OCA2: variants seen among roughly 807,000 people sequenced by gnomAD.
OCA2 encodes the protein OCA2 melanosomal transmembrane protein, also known as P protein.
In OCA2, 77 loss-of-function variants were observed where a neutral mutation model predicts 100.2. The ratio of observed to expected loss-of-function variants is 0.77; its 90% CI spans 0.64 to 0.93. The LOEUF is 0.93. Among genes scored for constraint, OCA2 ranks in the 40% least tolerant of loss-of-function variants. The pLI is 0.00. For synonymous variants in OCA2, 432 were observed against 439.2 expected, an observed-to-expected ratio of 0.98 and a Z score of 0.21; for missense variants, 1,062 against 1,089.1, an observed-to-expected ratio of 0.98 and a Z score of 0.35.
chr15:27,774,759 G>A (rs1178721966), intron 23 of OCA2, among the ~76,000 whole-genome samples: 1 of 152,160 alleles, frequency 6.6e-6, no homozygotes, highest in African/African-American at 2.4e-5. Flanking sequence ...GTCCTTATAA[G>A]CAGAGCAGGT....
At chr15:27,749,423 G>A in the OCA2 span, among the ~76,000 whole-genome samples, 3 of 152,166 alleles carry the variant, frequency 2.0e-5, no homozygotes, top group Admixed American at 2.0e-4. Flanking sequence ...AAAACTGAAA[G>A]AAGTTGTTGC....
At chr15:27,748,008 G>T in the OCA2 span, among the ~76,000 whole-genome samples, 1 of 152,124 alleles carries the variant, frequency 6.6e-6, no homozygotes, top group Non-Finnish European at 1.5e-5. Flanking sequence ...CTCAACAGAA[G>T]AAGGTAACCC....
chr15:27,874,993 A>T (rs886505072), intron 19 of OCA2, among the ~76,000 whole-genome samples: 1 of 152,210 alleles, frequency 6.6e-6, no homozygotes, highest in African/African-American at 2.4e-5. Context: ...GGAAATATGA[A>T]GCATGAAAAT....
At chr15:27,884,088 A>G (rs187911355) in intron 19 of OCA2, among the ~76,000 whole-genome samples, 8 of 152,364 alleles carry the variant, frequency 5.3e-5, no homozygotes, top group Non-Finnish European at 1.2e-4. Flanking sequence ...CAAACATTTA[A>G]AAATAAAAAT....
At chr15:27,830,405 T>C (rs1187295785) in intron 23 of OCA2, among the ~76,000 whole-genome samples, 1 of 152,156 alleles carries the variant, frequency 6.6e-6, no homozygotes, top group Admixed American at 6.5e-5. Context: ...ATTCCAAATG[T>C]TCACTTTTAA....
At chr15:27,989,092 G>A (rs1708938039) in intron 11 of OCA2, among the ~76,000 whole-genome samples, 1 of 152,138 alleles carries the variant, frequency 6.6e-6, no homozygotes, top group Non-Finnish European at 1.5e-5. Flanking sequence ...GTTAAGCTGG[G>A]TTAGGACTCA....
intron 1 of OCA2, 101 bp from the exon 2 acceptor site, chr15:28,081,996 C>T (rs758692916): frequency 2.1e-5 from 21 of 993,186 alleles, no homozygotes; most frequent in South Asian, 2.8e-5. Context: ...TCTTCGGAGG[C>T]GGTCCCAGAG....
At chr15:27,891,968 G>GAC (rs1227390310) in intron 19 of OCA2, among the ~76,000 whole-genome samples, 1 of 151,982 alleles carries the variant, frequency 6.6e-6, no homozygotes, top group Non-Finnish European at 1.5e-5. Flanking sequence ...TTACTAGAGG[G>GAC]ACAGAAAATT....
Position 28,032,238 on chromosome 15 carries a change from A to G in OCA2, c.228-75T>C. 3 of 1,123,190 alleles carry G rather than the reference A, an allele frequency of 2.7e-6. No homozygotes were observed. In the South Asian group the frequency reaches 3.7e-5, roughly 14 times the overall value. The allele number at this position is 1,123,190 out of a possible 1,614,324, so 69.6% of individuals were successfully genotyped here. ...TGTGTTCCCAGCACTCAGGTGCTAG[A>G]TTCAAGAATGTGCCCAAGATTCAGT... On this transcript the variant is annotated intron_variant, in intron 2 of 23. Coordinates refer to ENST00000354638, the MANE Select transcript of OCA2 (RefSeq NM_000275.3).
chr15:27,869,128 G>A (rs4238495), intron 21 of OCA2, among the ~76,000 whole-genome samples: 119,629 of 152,228 alleles, frequency 0.79, 48,093 homozygotes, highest in East Asian at 1. Context: ...TCATGCTAGC[G>A]TGGCACAGTC....
chr15:27,884,364 G>A (rs1212712585), intron 19 of OCA2, among the ~76,000 whole-genome samples: 2 of 152,162 alleles, frequency 1.3e-5, no homozygotes, highest in African/African-American at 2.4e-5. Context: ...GACAGGGTGA[G>A]ACCCTGTTTC....
intron 15 of OCA2, among the ~76,000 whole-genome samples, chr15:27,964,258 AC>A (rs2040493661): frequency 6.6e-6 from 1 of 152,262 alleles, no homozygotes; most frequent in African/African-American, 2.4e-5. Flanking sequence ...AACAAAAAAG[AC>A]ATTACAAGAA....
At chr15:27,815,254 C>G (rs1566986342) in intron 23 of OCA2, among the ~76,000 whole-genome samples, 1 of 152,210 alleles carries the variant, frequency 6.6e-6, no homozygotes, top group South Asian at 2.1e-4. Flanking sequence ...ACTGGGCCAA[C>G]CCCGCTGTTC....
At chr15:27,974,026 T>C (rs571014404) in intron 14 of OCA2, among the ~76,000 whole-genome samples, 8 of 152,348 alleles carry the variant, frequency 5.3e-5, no homozygotes, top group African/African-American at 1.7e-4. Context: ...TTTGTGTACA[T>C]TGATTTTGTA....
At chr15:28,037,156 C>T (rs2043068681) in intron 2 of OCA2, among the ~76,000 whole-genome samples, 1 of 151,872 alleles carries the variant, frequency 6.6e-6, no homozygotes, top group South Asian at 2.1e-4. Context: ...CCATGCAGAG[C>T]CGTGTAAAAG....
intron 19 of OCA2, chr15:27,896,152 C>A: frequency 1.0e-6 from 1 of 974,104 alleles, no homozygotes; most frequent in Non-Finnish European, 1.6e-6. Flanking sequence ...GCCAGAACTA[C>A]CAGTGGCAAT....
chr15:27,729,157 T>C, the OCA2 span, among the ~76,000 whole-genome samples: 1 of 152,192 alleles, frequency 6.6e-6, no homozygotes, highest in Non-Finnish European at 1.5e-5. Flanking sequence ...TCACCAGCAG[T>C]GTTTTTAATG....
chr15:27,777,007 TC>T lies in OCA2; in HGVS notation c.2433-21536del, dbSNP rs370192811. Among the ~76,000 whole-genome samples the T allele has an allele frequency of 3.6e-3, 541 of 149,228 alleles. 3 individuals carry two copies. Among genetic ancestry groups the T allele is most frequent in the African/African-American group, 0.012 (504 of 40,704 alleles). On this transcript the variant is annotated intron_variant, in intron 23 of 23. Transcript: ENST00000354638. ...GGTGGGGGGAGTGTTGGAGAGCACT[TC>T]CCCCCACACCAGCCCTGCCACTTTC...
chr15:27,797,543 A>G (rs1027211524), intron 23 of OCA2, among the ~76,000 whole-genome samples: 12 of 111,874 alleles, frequency 1.1e-4, no homozygotes, highest in Non-Finnish European at 1.1e-4. Context: ...CATTCACATT[A>G]ACGGAGACTA....
Sources: gnomAD v4.1 joint callset for allele counts (sites outside exome capture counted in the v4.1 genomes callset) on GRCh38, gnomAD v4.1.1 for gene constraint, MANE v1.5 for transcripts, NCBI Gene and HGNC (gene_info 2026-07-23, HGNC 2026-07-21) for gene names.